NOC3L: variants seen among roughly 807,000 people sequenced by gnomAD.
NOC3L encodes nucleolar complex protein 3 homolog.
A neutral mutation model predicts 102.5 loss-of-function variants in NOC3L; 85 were observed. The ratio of observed to expected loss-of-function variants is 0.83; its 90% CI spans 0.70 to 0.99. The LOEUF (loss-of-function observed/expected upper bound fraction) is 0.99. NOC3L is among the 50% of genes least tolerant of loss of function. The pLI, the probability that NOC3L is intolerant of heterozygous loss-of-function variation, is 0.00. For synonymous variants in NOC3L, 303 were observed against 309.4 expected (o/e 0.98, Z 0.22); for missense variants, 878 against 914.9 (o/e 0.96, Z 0.52).
At position 94,344,440 on chromosome 10, in the gene NOC3L, G is replaced by A. The variant is rs376056680; in HGVS notation, c.1546C>T (p.Pro516Ser). The change falls in exon 13 of 21, where the codon CCA (proline) becomes TCA (serine). Residue 516 changes from proline to serine, a missense_variant. Coordinates refer to ENST00000371361, the MANE Select transcript of NOC3L (RefSeq NM_022451.11). ...LKKAQRSPLL[P>S]AVLEGLAKFA... ...TTGGCAAGACCTTCTAGAACTGCTG[G>A]CAGGAGAGGTGACCTCTGGGCCTTC... The A allele has an allele frequency of 2.5e-6, 4 of 1,612,950 alleles. No homozygotes were observed. In the African/African-American group the frequency reaches 4.0e-5, roughly 16 times the overall value.
the NOC3L span, among the ~76,000 whole-genome samples, chr10:94,321,383 T>C: frequency 0.78 from 119,206 of 152,232 alleles, 46,735 homozygotes; most frequent in South Asian, 0.83. Flanking sequence ...CCTGTAACCC[T>C]GGTACTTTGG....
intron 18 of NOC3L, 23 bp downstream of exon 18, chr10:94,338,584 GA>G: frequency 3.4e-6 from 5 of 1,478,820 alleles, no homozygotes; most frequent in East Asian, 2.3e-5. Flanking sequence ...TCCCCAAAAA[GA>G]AAAAAACCAG....
the NOC3L span, among the ~76,000 whole-genome samples, chr10:94,326,222 C>G: frequency 1.3e-5 from 2 of 152,202 alleles, no homozygotes; most frequent in Non-Finnish European, 2.9e-5. Context: ...GCTTCACCAT[C>G]TGCCTTTATG....
intron 8 of NOC3L, among the ~76,000 whole-genome samples, chr10:94,352,035 C>T (rs983306175): frequency 2.0e-4 from 30 of 152,178 alleles, no homozygotes; most frequent in African/African-American, 7.2e-4. Context: ...CTCATATCTA[C>T]AAACTCAGTT....
At chr10:94,325,616 A>ATAT in the NOC3L span, 12 of 150,674 alleles carry the variant, frequency 8.0e-5, no homozygotes, top group African/African-American at 2.9e-4. Flanking sequence ...AAAAGAAAAA[A>ATAT]AAAAATATAT....
chr10:94,340,287 T>C lies in NOC3L; in HGVS notation c.1769A>G (p.Lys590Arg). Residue 590 changes from lysine (K) to arginine (R), a missense_variant, in exon 16 of 21, where the codon AAA becomes AGA. Lys to Arg is a conservative substitution (Grantham distance 26). Coordinates refer to ENST00000371361, the MANE Select transcript of NOC3L (RefSeq NM_022451.11). ...FYTHLYKTLF[K>R]LHAGATNEGV... Reference sequence around the variant, plus strand: ...CTAAACATACATACCTGCATGTAATTTGAACAGTGTTTTGTAGAGATGTGT... The same window carrying C: ...CTAAACATACATACCTGCATGTAATCTGAACAGTGTTTTGTAGAGATGTGT... 1 of 1,610,136 alleles carries C rather than the reference T, an allele frequency of 6.2e-7. No individual in the cohort carries two copies. The highest frequency in any genetic ancestry group is 8.5e-7 in the Non-Finnish European group (1 of 1,177,542).
intron 19 of NOC3L, among the ~76,000 whole-genome samples, chr10:94,337,376 G>A (rs1405485989): frequency 8.0e-5 from 12 of 149,378 alleles, no homozygotes; most frequent in African/African-American, 1.5e-4. Flanking sequence ...AAAAAAGACC[G>A]AGCGAGCGAG....
intron 17 of NOC3L, among the ~76,000 whole-genome samples, chr10:94,339,232 C>T (rs547102695): frequency 1.3e-5 from 2 of 152,224 alleles, no homozygotes; most frequent in South Asian, 4.1e-4. Context: ...ACAATAGGAA[C>T]AAGAATAGTA....
downstream of NOC3L, chr10:94,333,108 T>C (rs994637823): frequency 6.6e-6 from 1 of 152,300 alleles, no homozygotes; most frequent in Non-Finnish European, 1.5e-5. Context: ...TTACTTCATG[T>C]GAAAAAAGAA....
intron 4 of NOC3L, among the ~76,000 whole-genome samples, 171 bp downstream of exon 4, chr10:94,357,003 C>T (rs892931839): frequency 2.6e-5 from 4 of 152,124 alleles, no homozygotes; most frequent in South Asian, 2.1e-4. Flanking sequence ...CAAATTGGTA[C>T]CTGAGATAAT....
the NOC3L span, among the ~76,000 whole-genome samples, chr10:94,326,710 T>TTGA: frequency 3.2e-4 from 49 of 152,332 alleles, no homozygotes; most frequent in African/African-American, 2.6e-4. Flanking sequence ...GGGAGGGTGA[T>TTGA]TGATAGTGAT....
Position 94,361,705 on chromosome 10 carries a change from C to A in NOC3L, c.177G>T (p.Lys59Asn), listed in dbSNP as rs1429093744. 1 of 1,536,574 alleles carries A rather than the reference C, an allele frequency of 6.5e-7. No individual in the cohort carries two copies. Among genetic ancestry groups the A allele is most frequent in the African/African-American group, 1.4e-5 (1 of 72,346 alleles). Residue 59 changes from lysine to asparagine, a missense_variant, in exon 2 of 21, where the codon AAG becomes AAT. Lys to Asn is a moderately conservative substitution (Grantham distance 94). Coordinates refer to ENST00000371361, the MANE Select transcript of NOC3L (RefSeq NM_022451.11). ...LRQAVKDAVS[K>N]KPIPLENPKE... ...TTGGGTTCTCCAATGGAATGGGTTT[C>A]TTAGACACAGCATCTTTCACAGCTT...
At chr10:94,327,363 G>A in the NOC3L span, among the ~76,000 whole-genome samples, 2 of 151,858 alleles carry the variant, frequency 1.3e-5, no homozygotes, top group African/African-American at 2.4e-5. Context: ...GGGAGGCCGA[G>A]GTGTGTGGAT....
chr10:94,335,383 A>T (rs2054206872), intron 19 of NOC3L, among the ~76,000 whole-genome samples: 1 of 152,142 alleles, frequency 6.6e-6, no homozygotes. Context: ...GCTAAGGAAA[A>T]CATGCCATAA....
Position 94,361,751 on chromosome 10 carries a change from T to C in NOC3L, c.131A>G (p.Lys44Arg). ...AGCTTGCCTTAGTTTCCTCTGTTCT[T>C]TTCGGTACTTCTTGAGAGTGCTTTG... ...KQQSTLKKYRKEQRKLRQAVK... is the reference protein window; with the variant it reads ...KQQSTLKKYRREQRKLRQAVK... Residue 44 changes from lysine (K) to arginine (R), a missense_variant, in exon 2 of 21, where the codon AAA becomes AGA. Transcript: ENST00000371361. The C allele has an allele frequency of 1.2e-6, 2 of 1,614,142 alleles. No homozygotes were observed.
chr10:94,340,748 G>A lies in NOC3L; in HGVS notation c.1645-252C>T, dbSNP rs979111099. ...TGCAATCCCAGCACTTCAGGAGGCC[G>A]AGGCGGGCAGATCACGAGGTCAGGA... On this transcript the variant is annotated intron_variant, in intron 14 of 20. Transcript: ENST00000371361. Among the ~76,000 whole-genome samples, 12 of 151,968 alleles carry A rather than the reference G, an allele frequency of 7.9e-5. No homozygotes were observed. The East Asian group carries it at 9.7e-4, about 12-fold the overall frequency.
chr10:94,333,662 C>T lies in NOC3L; in HGVS notation c.*515G>A, dbSNP rs1025574313. ...CAGCAAAAGCCAATGAACCTGAATA[C>T]AAGCTATTTTTTTCTTTTCTCAAAT... On this transcript the variant is annotated 3_prime_UTR_variant, in exon 21 of 21. Coordinates refer to ENST00000371361, the MANE Select transcript of NOC3L (RefSeq NM_022451.11). 3.9e-5 allele frequency: 6 copies of T among 152,136 alleles called. No homozygotes were observed. Among genetic ancestry groups the T allele is most frequent in the South Asian group, 2.1e-4 (1 of 4,824 alleles). 9.4% of individuals were successfully genotyped at this position (152,136 alleles called of 1,614,324 possible). A position where few individuals can be genotyped will look rare whatever the true frequency, so the allele number is the denominator to read the frequency against.
In NOC3L at chr10:94,344,529, C is replaced by G; in HGVS notation, c.1471-14G>C. The G allele has an allele frequency of 6.4e-7, 1 of 1,574,156 alleles. No individual in the cohort carries two copies. The highest frequency in any genetic ancestry group is 8.7e-7 in the Non-Finnish European group (1 of 1,144,992). ...AGTCTCTGTGTGCTGGCAGAGGAGA[C>G]AGACAAAATGACTTTAGGATAACCT... is the stretch of plus-strand genomic sequence containing the variant. On this transcript the variant is annotated splice_polypyrimidine_tract_variant and intron_variant, in intron 12 of 20. Transcript: ENST00000371361.
rs1426056030 is a variant in NOC3L at position 94,358,190 on chromosome 10, CTCTTCT to C, written c.237_242del (p.Glu84_Glu85del). ...CTAAAGGAAGGGCTTCTTCTTCTTC[CTCTTCT>C]TCCCTCTCAATCCTTTTACCTGTAC... On this transcript the variant is annotated inframe_deletion, in exon 3 of 21. Transcript: ENST00000371361. 11 of 1,571,002 alleles carry C rather than the reference CTCTTCT, an allele frequency of 7.0e-6. No homozygotes were observed. In the African/African-American group the frequency reaches 1.5e-4, roughly 21 times the overall value.
Sources: gnomAD v4.1 joint callset for allele counts (sites outside exome capture counted in the v4.1 genomes callset) on GRCh38, gnomAD v4.1.1 for gene constraint, MANE v1.5 for transcripts, NCBI Gene and HGNC (gene_info 2026-07-23, HGNC 2026-07-21) for gene names.